NHLRC2: variants seen among roughly 807,000 people sequenced by gnomAD.
The protein encoded by NHLRC2 is NHL repeat-containing protein 2.
NHLRC2 carries 33 observed loss-of-function variants against 68.1 expected under a neutral mutation model. The ratio of observed to expected loss-of-function variants is 0.48; its 90% CI spans 0.37 to 0.65. The LOEUF is 0.65. NHLRC2 is among the 30% of genes least tolerant of loss of function. NHLRC2 has a pLI of 0.00. For missense variants in NHLRC2, 761 were observed against 853.8 expected, an observed-to-expected ratio of 0.89 and a Z score of 1.35; for synonymous variants, 311 against 309.6, an observed-to-expected ratio of 1.00 and a Z score of -0.05.
intron 10 of NHLRC2, among the ~76,000 whole-genome samples, chr10:113,905,306 A>T (rs1016037695): frequency 6.6e-6 from 1 of 152,158 alleles, no homozygotes; most frequent in African/African-American, 2.4e-5. Context: ...CCTATACCTC[A>T]TCCCTTATTC....
chr10:113,881,160 A>G (rs1846033285), intron 4 of NHLRC2, among the ~76,000 whole-genome samples: 1 of 151,896 alleles, frequency 6.6e-6, no homozygotes, highest in Non-Finnish European at 1.5e-5. Flanking sequence ...CAGAGGGGCT[A>G]GACCTCTAAT....
At chr10:113,882,838 CT>C (rs774203136) in intron 4 of NHLRC2, among the ~76,000 whole-genome samples, 94 of 151,784 alleles carry the variant, frequency 6.2e-4, no homozygotes, top group Non-Finnish European at 1.1e-3. Flanking sequence ...ATAATTAGGT[CT>C]TTGATCCATT....
chr10:113,867,374 G>A (rs1292334984), intron 2 of NHLRC2, among the ~76,000 whole-genome samples: 2 of 152,174 alleles, frequency 1.3e-5, no homozygotes, highest in Non-Finnish European at 2.9e-5. Context: ...CCAATTTATG[G>A]CACATTTTCA....
At position 113,901,889 on chromosome 10, in the gene NHLRC2, G is replaced by C. The variant is rs1300950995; in HGVS notation, c.1363G>C (p.Asp455His). The C allele has an allele frequency of 6.2e-7, 1 of 1,608,884 alleles. No homozygotes were observed. Among genetic ancestry groups the C allele is most frequent in the Non-Finnish European group, 8.5e-7 (1 of 1,175,402 alleles). The change falls in exon 7 of 11, where the codon GAC (aspartate) becomes CAC (histidine). Residue 455 changes from aspartate (D) to histidine (H), a missense_variant. Coordinates refer to ENST00000369301, the MANE Select transcript of NHLRC2 (RefSeq NM_198514.4). ...GAAGCACCTCGTAGGAGGAGAAAGAGACCCCATGGTAATGACAGTCACTCT... is the reference window on the plus strand; with the variant it reads ...GAAGCACCTCGTAGGAGGAGAAAGACACCCCATGGTAATGACAGTCACTCT... ...AVKHLVGGERDPMNLFAFGDV... is the reference protein window; with the variant it reads ...AVKHLVGGERHPMNLFAFGDV...
chr10:113,887,092 A>G (rs1042638451), intron 5 of NHLRC2, among the ~76,000 whole-genome samples: 8 of 152,228 alleles, frequency 5.3e-5, no homozygotes, highest in African/African-American at 1.9e-4. Flanking sequence ...ATGAATGGTA[A>G]GCAGATATAT....
chr10:113,876,719 C>A lies in NHLRC2; in HGVS notation c.530C>A (p.Ser177Tyr). ...GGACCTCGTGGAAACATGTTGTTTT[C>A]TTTGATTGGAGAGGGACACAAAGAT... ...ILGPRGNMLFSLIGEGHKDKL... is the reference protein window; with the variant it reads ...ILGPRGNMLFYLIGEGHKDKL... The change falls in exon 3 of 11, where the codon TCT (serine) becomes TAT (tyrosine). Residue 177 changes from serine (S) to tyrosine (Y), a missense_variant. Physicochemically the swap from Ser to Tyr is moderately radical, Grantham distance 144 (BLOSUM62 -2). Transcript: ENST00000369301. The A allele has an allele frequency of 1.2e-6, 2 of 1,613,756 alleles. No homozygotes were observed. The highest frequency in any genetic ancestry group is 1.7e-6 in the Non-Finnish European group (2 of 1,179,780).
intron 6 of NHLRC2, among the ~76,000 whole-genome samples, chr10:113,898,960 A>AG (rs1469312155): frequency 6.6e-6 from 1 of 152,158 alleles, no homozygotes; most frequent in Admixed American, 6.5e-5. Flanking sequence ...TAAGGATGAA[A>AG]GGGTAGTGTC....
chr10:113,874,442 TTGTGTGTGTGTGTGTGTGTGTGTGTG>T (rs58207579), intron 2 of NHLRC2, among the ~76,000 whole-genome samples: 4 of 125,744 alleles, frequency 3.2e-5, no homozygotes, highest in Non-Finnish European at 5.1e-5. Context: ...AGGCATGTGT[TTGTGTGTGTGTGTGTGTGTGTGTGTG>T]TGTGTGTGTG....
chr10:113,896,497 A>C (rs1386105891), intron 5 of NHLRC2, among the ~76,000 whole-genome samples: 2 of 121,660 alleles, frequency 1.6e-5, no homozygotes, highest in African/African-American at 3.1e-5. Context: ...AGGGGAACAT[A>C]ACACTCTGGG....
At chr10:113,879,727 T>TAA in intron 4 of NHLRC2, 32 bp downstream of exon 4, 1 of 1,337,988 alleles carries the variant, frequency 7.5e-7, no homozygotes, top group Non-Finnish European at 1.0e-6. Context: ...TTTTAATACT[T>TAA]ACAATCAGAA....
Position 113,859,076 on chromosome 10 carries a change from G to T in NHLRC2, c.331+396G>T, listed in dbSNP as rs188858656. ...AGGTTTAAAGTTCTTATTAGGAAAT[G>T]TGACTAGGCTTTCATTAATATTGAA... On this transcript the variant is annotated intron_variant, in intron 2 of 10. Transcript: ENST00000369301. Among the ~76,000 whole-genome samples the T allele has an allele frequency of 1.8e-4, 27 of 152,258 alleles. 1 individual carries two copies. In the East Asian group the frequency reaches 4.6e-3, roughly 26 times the overall value.
At chr10:113,906,944 G>T (rs750115655) in intron 10 of NHLRC2, among the ~76,000 whole-genome samples, 1 of 152,188 alleles carries the variant, frequency 6.6e-6, no homozygotes, top group Admixed American at 6.5e-5. Context: ...CCAAGCTCAC[G>T]CCACTGCACT....
In NHLRC2 at chr10:113,855,625, G is replaced by A. The variant is rs187591823; in HGVS notation, c.178+575G>A. ...TGGGACTACAGGCCCGCGCCACCAC[G>A]CCTGGCTAGTTGTTTTGTTTTGTTT... On this transcript the variant is annotated intron_variant, in intron 1 of 10. Coordinates refer to ENST00000369301, the MANE Select transcript of NHLRC2 (RefSeq NM_198514.4). Among the ~76,000 whole-genome samples, 292 of 151,268 alleles carry A rather than the reference G, an allele frequency of 1.9e-3. 2 individuals are homozygous for A. The highest frequency in any genetic ancestry group is 6.9e-3 in the African/African-American group (282 of 40,708).
chr10:113,899,113 C>T (rs985962734), intron 6 of NHLRC2, among the ~76,000 whole-genome samples: 6 of 152,064 alleles, frequency 3.9e-5, no homozygotes, highest in South Asian at 2.1e-4. Context: ...TGCCCCAACC[C>T]GCTGCCCCTT....
chr10:113,879,383 A>T (rs1435404697), intron 3 of NHLRC2, among the ~76,000 whole-genome samples, 191 bp from the exon 4 acceptor site: 2 of 152,214 alleles, frequency 1.3e-5, no homozygotes, highest in African/African-American at 4.8e-5. Flanking sequence ...GTGCACTAGT[A>T]ATTGTACTAT....
intron 2 of NHLRC2, among the ~76,000 whole-genome samples, chr10:113,863,007 T>C (rs1385447121): frequency 1.3e-5 from 2 of 152,170 alleles, no homozygotes; most frequent in African/African-American, 2.4e-5. Flanking sequence ...GATGATATGA[T>C]TATAATGATA....
chr10:113,855,806 C>T (rs17228623), intron 1 of NHLRC2, among the ~76,000 whole-genome samples: 1 of 152,142 alleles, frequency 6.6e-6, no homozygotes, highest in Non-Finnish European at 1.5e-5. Flanking sequence ...GCCTGCCACA[C>T]ACAGTCCTAA....
In NHLRC2 at chr10:113,913,847, GTTTTT is replaced by G; in HGVS notation, c.*5325_*5329del. On this transcript the variant is annotated 3_prime_UTR_variant, in exon 11 of 11. Coordinates refer to ENST00000369301, the MANE Select transcript of NHLRC2 (RefSeq NM_198514.4). ...AGGTACTTTTTGTTGTTGTTGTTTT[GTTTTT>G]TTTTTTTTTTTTTGAGATGGAGTCT... The G allele has an allele frequency of 1.7e-5, 2 of 121,156 alleles. No homozygotes were observed. The highest frequency in any genetic ancestry group is 3.5e-5 in the Non-Finnish European group (2 of 57,106). 7.5% of individuals were successfully genotyped at this position (121,156 alleles called of 1,614,324 possible).
intron 10 of NHLRC2, 94 bp downstream of exon 10, chr10:113,905,130 A>G (rs1253631683): frequency 9.8e-6 from 6 of 611,196 alleles, no homozygotes; most frequent in East Asian, 9.6e-5. Context: ...TTTACTCTGT[A>G]TAGGCAAGAT....
Sources: gnomAD v4.1 joint callset for allele counts (sites outside exome capture counted in the v4.1 genomes callset) on GRCh38, gnomAD v4.1.1 for gene constraint, MANE v1.5 for transcripts, NCBI Gene and HGNC (gene_info 2026-07-23, HGNC 2026-07-21) for gene names.